Variants in DDX31 observed in about 807,000 individuals in gnomAD.
The protein encoded by DDX31 is ATP-dependent DNA helicase DDX31.
A neutral mutation model predicts 91.3 loss-of-function variants in DDX31; 70 were observed. That is an observed-to-expected ratio of 0.77 (90% CI 0.63 to 0.94). The LOEUF (loss-of-function observed/expected upper bound fraction) is 0.94, where lower values mean the gene tolerates loss of function less well. Among genes scored for constraint, DDX31 ranks in the 40% least tolerant of loss-of-function variants. The probability of loss-of-function intolerance (pLI) is 0.00; values close to 1 mark genes in which losing one functional copy is unlikely to be tolerated. For missense variants in DDX31, 902 were observed against 925.0 expected, an observed-to-expected ratio of 0.98 and a Z score of 0.32; for synonymous variants, 362 against 350.6, an observed-to-expected ratio of 1.03 and a Z score of -0.36.
chr9:132,620,586 T>C (rs1438427140), intron 17 of DDX31, among the ~76,000 whole-genome samples: 4 of 151,092 alleles, frequency 2.6e-5, no homozygotes, highest in African/African-American at 4.9e-5. Context: ...ATACAATACT[T>C]AGGAAAAAAA....
chr9:132,662,247 T>G lies in DDX31; in HGVS notation c.408+14A>C. ...CAAAAAAAACTGACCCAGAAAACACTGAAAGGTACTTACTAAATGTGGGTG... is the reference window on the plus strand; with the variant it reads ...CAAAAAAAACTGACCCAGAAAACACGGAAAGGTACTTACTAAATGTGGGTG... On this transcript the variant is annotated intron_variant, in intron 3 of 19. Coordinates refer to ENST00000372159, the MANE Select transcript of DDX31 (RefSeq NM_022779.9). 1 of 1,613,934 alleles carries G rather than the reference T, an allele frequency of 6.2e-7. No individual in the cohort carries two copies. Among genetic ancestry groups the G allele is most frequent in the Non-Finnish European group, 8.5e-7 (1 of 1,179,926 alleles).
At chr9:132,626,977 T>C (rs1426836162) in intron 16 of DDX31, among the ~76,000 whole-genome samples, 3 of 152,120 alleles carry the variant, frequency 2.0e-5, no homozygotes, top group East Asian at 1.9e-4. Context: ...CTATTTTTCA[T>C]AGGAGAGAGC....
At chr9:132,622,552 AAC>A (rs1312801205) in intron 17 of DDX31, among the ~76,000 whole-genome samples, 1 of 152,216 alleles carries the variant, frequency 6.6e-6, no homozygotes, top group African/African-American at 2.4e-5. Flanking sequence ...CACAGTGATC[AAC>A]TCCCTGGAGA....
chr9:132,649,534 C>T (rs1834052239), intron 9 of DDX31, among the ~76,000 whole-genome samples: 1 of 152,178 alleles, frequency 6.6e-6, no homozygotes, highest in African/African-American at 2.4e-5. Context: ...CTGGCTCTGT[C>T]AGATTTCTTA....
At chr9:132,640,935 C>G (rs1467365301) in intron 14 of DDX31, among the ~76,000 whole-genome samples, 2 of 152,190 alleles carry the variant, frequency 1.3e-5, no homozygotes, top group Admixed American at 1.3e-4. Flanking sequence ...AGGACTTGGT[C>G]AGACACAGAT....
intron 17 of DDX31, among the ~76,000 whole-genome samples, chr9:132,619,877 T>C (rs1831898807): frequency 1.3e-5 from 2 of 149,820 alleles, no homozygotes; most frequent in African/African-American, 5.0e-5. Context: ...TCACCTTCCC[T>C]GTGTTTTTTT....
Position 132,646,955 on chromosome 9 carries a change from C to A in DDX31, c.1071G>T (p.Glu357Asp), listed in dbSNP as rs942496906. The change falls in exon 12 of 20, where the codon GAG becomes GAT. Residue 357 changes from glutamate to aspartate, a missense_variant. By Grantham distance (45) the Glu-to-Asp change is conservative (BLOSUM62 2). Coordinates refer to ENST00000372159, the MANE Select transcript of DDX31 (RefSeq NM_022779.9). Reference sequence around the variant, plus strand: ...TGTCGCCAGCTGGTGGAGGACAGACCTCCTGGACCGCTTTGTCCTTTGGGT... The same window carrying A: ...TGTCGCCAGCTGGTGGAGGACAGACATCCTGGACCGCTTTGTCCTTTGGGT... ...QLNPKDKAVQEVCPPPAGDKL... is the reference protein window; with the variant it reads ...QLNPKDKAVQDVCPPPAGDKL... 2 of 1,614,090 alleles carry A rather than the reference C, an allele frequency of 1.2e-6. No individual in the cohort carries two copies. Among genetic ancestry groups the A allele is most frequent in the African/African-American group, 2.7e-5 (2 of 74,920 alleles).
chr9:132,618,575 T>A, intron 17 of DDX31, 134 bp from the exon 18 acceptor site: 2 of 632,538 alleles, frequency 3.2e-6, no homozygotes, highest in Non-Finnish European at 5.1e-6. Context: ...CCTTTCAATA[T>A]TACTAGGAAA....
intron 19 of DDX31, among the ~76,000 whole-genome samples, chr9:132,606,439 G>T (rs1476053834): frequency 6.6e-6 from 1 of 152,214 alleles, no homozygotes; most frequent in Non-Finnish European, 1.5e-5. Flanking sequence ...AAAAGTTCAA[G>T]GGTGCTAAAA....
chr9:132,605,574 G>A (rs926891865), intron 19 of DDX31, among the ~76,000 whole-genome samples: 1 of 152,168 alleles, frequency 6.6e-6, no homozygotes, highest in Non-Finnish European at 1.5e-5. Flanking sequence ...CTATACTTTC[G>A]AGGAGGGGCA....
At chr9:132,651,858 G>A (rs1834207388) in intron 7 of DDX31, among the ~76,000 whole-genome samples, 1 of 152,190 alleles carries the variant, frequency 6.6e-6, no homozygotes, top group South Asian at 2.1e-4. Flanking sequence ...GGACTGAGCT[G>A]AGATAGGGGA....
At chr9:132,662,760 G>C in intron 1 of DDX31, 65 bp from the exon 2 acceptor site, 2 of 1,598,836 alleles carry the variant, frequency 1.3e-6, no homozygotes, top group Non-Finnish European at 1.7e-6. Context: ...AGAGCTCGGA[G>C]TGAAGCCTGA....
intron 10 of DDX31, 44 bp downstream of exon 10, chr9:132,648,388 C>T (rs575059584): frequency 1.2e-6 from 2 of 1,607,974 alleles, no homozygotes; most frequent in East Asian, 2.2e-5. Flanking sequence ...AGAGGAGAAA[C>T]AGCCCTTCTC....
intron 17 of DDX31, 107 bp downstream of exon 17, chr9:132,625,557 A>G (rs17149380): frequency 0.1 from 83,977 of 813,302 alleles, 4,964 homozygotes; most frequent in Admixed American, 0.2. Context: ...TTCTTAAAAT[A>G]AATGTATTGC....
chr9:132,597,682 T>C (rs577410567), intron 19 of DDX31, among the ~76,000 whole-genome samples: 23 of 152,274 alleles, frequency 1.5e-4, no homozygotes, highest in Non-Finnish European at 2.9e-4. Flanking sequence ...GCTCAGGCAG[T>C]GCGCCCGTGC....
chr9:132,596,768 G>T (rs1200226404), intron 19 of DDX31, among the ~76,000 whole-genome samples: 1 of 152,190 alleles, frequency 6.6e-6, no homozygotes, highest in African/African-American at 2.4e-5. Flanking sequence ...AAAATGGTGA[G>T]ATGTGATGGG....
At position 132,648,225 on chromosome 9, in the gene DDX31, GT is replaced by G; in HGVS notation, c.930del (p.Lys310AsnfsTer15). Reference sequence around the variant, plus strand: ...GTCGCTGATAGCAAGACATTCTGTCGTTTTTGGCATTCAGCATTTACAGCAT... The same window carrying G: ...GTCGCTGATAGCAAGACATTCTGTCGTTTTGGCATTCAGCATTTACAGCAT... ...ILNAVNAECQ[K>X]RQNVLLSATL... On this transcript the variant is annotated frameshift_variant, in exon 11 of 20. Transcript: ENST00000372159. LOFTEE classifies it high-confidence loss of function. 6.2e-7 allele frequency: 1 copy of G among 1,613,828 alleles called. No homozygotes were observed. The highest frequency in any genetic ancestry group is 1.7e-5 in the Admixed American group (1 of 59,986).
intron 14 of DDX31, among the ~76,000 whole-genome samples, chr9:132,633,883 C>G (rs1374064907): frequency 3.3e-5 from 5 of 152,150 alleles, no homozygotes; most frequent in Admixed American, 1.3e-4. Context: ...AACCTGAAAC[C>G]TAGAACCTAA....
chr9:132,640,501 G>A (rs972047897), intron 14 of DDX31, among the ~76,000 whole-genome samples: 2 of 152,018 alleles, frequency 1.3e-5, no homozygotes, highest in East Asian at 1.9e-4. Flanking sequence ...TCTTTCCCCC[G>A]CTTTTTTTCT....
Sources: gnomAD v4.1 joint callset for allele counts (sites outside exome capture counted in the v4.1 genomes callset) on GRCh38, gnomAD v4.1.1 for gene constraint, MANE v1.5 for transcripts, NCBI Gene and HGNC (gene_info 2026-07-23, HGNC 2026-07-21) for gene names.